The following TMOD2 variants were observed in gnomAD, a reference collection of about 807,000 sequenced individuals.
The protein encoded by TMOD2 is tropomodulin-2.
Under a neutral mutation model 39.9 loss-of-function variants are expected in TMOD2, and 22 were observed. That is an observed-to-expected ratio of 0.55 (90% CI 0.39 to 0.79). The LOEUF (loss-of-function observed/expected upper bound fraction) is 0.79, where lower values mean the gene tolerates loss of function less well. TMOD2 is among the 30% of genes least tolerant of loss of function. The pLI is 0.00. For synonymous variants in TMOD2, 123 were observed against 146.1 expected (o/e 0.84, Z 1.14); for missense variants, 386 against 413.3 (o/e 0.93, Z 0.57).
At chr15:51,793,256 TA>T (rs1347590723) in intron 7 of TMOD2, among the ~76,000 whole-genome samples, 2 of 152,226 alleles carry the variant, frequency 1.3e-5, no homozygotes, top group Non-Finnish European at 2.9e-5. Flanking sequence ...CACATCATGG[TA>T]AATTCCAAAA....
chr15:51,790,729 CAT>C (rs1248880516), intron 7 of TMOD2, among the ~76,000 whole-genome samples: 2 of 152,170 alleles, frequency 1.3e-5, no homozygotes, highest in African/African-American at 4.8e-5. Context: ...TAATCCATCA[CAT>C]AAACAAAACC....
At chr15:51,783,042 T>C in intron 7 of TMOD2, 1 of 536,554 alleles carries the variant, frequency 1.9e-6, no homozygotes, top group Admixed American at 3.3e-5. Context: ...ATTACAGTTT[T>C]CAGAGAAAGA....
At chr15:51,799,517 A>G (rs953573309) in intron 8 of TMOD2, among the ~76,000 whole-genome samples, 1 of 129,078 alleles carries the variant, frequency 7.7e-6, no homozygotes, top group Non-Finnish European at 1.8e-5. Flanking sequence ...TGCCAGGGGA[A>G]CACAGAAAGC....
chr15:51,787,492 G>T (rs988327631), intron 7 of TMOD2, among the ~76,000 whole-genome samples: 1 of 152,250 alleles, frequency 6.6e-6, no homozygotes, highest in African/African-American at 2.4e-5. Context: ...GCTCTGAAGA[G>T]AGCAGTGCTT....
intron 4 of TMOD2, among the ~76,000 whole-genome samples, chr15:51,775,590 T>C (rs2055882492): frequency 7.1e-6 from 1 of 141,612 alleles, no homozygotes; most frequent in South Asian, 2.4e-4. Context: ...TTTTTTTTTT[T>C]TTTTTGAGAC....
At chr15:51,768,609 A>G (rs12904413) in intron 3 of TMOD2, among the ~76,000 whole-genome samples, 191 bp downstream of exon 3, 61,500 of 150,906 alleles carry the variant, frequency 0.41, 12,580 homozygotes, top group Admixed American at 0.45. Flanking sequence ...GTGGAGGGTC[A>G]AGCAAGGGAA....
intron 7 of TMOD2, among the ~76,000 whole-genome samples, chr15:51,785,269 G>A (rs928853923): frequency 2.6e-5 from 4 of 151,928 alleles, no homozygotes; most frequent in Admixed American, 2.0e-4. Flanking sequence ...AAAATTAGCC[G>A]GGCGCGGTGG....
chr15:51,776,667 G>A (rs561036255), intron 4 of TMOD2, among the ~76,000 whole-genome samples: 37 of 152,232 alleles, frequency 2.4e-4, no homozygotes, highest in African/African-American at 8.9e-4. Context: ...TCGGTAAATT[G>A]TGGCCATAAT....
chr15:51,767,978 G>C (rs2055827163), intron 2 of TMOD2, among the ~76,000 whole-genome samples: 1 of 152,212 alleles, frequency 6.6e-6, no homozygotes, highest in African/African-American at 2.4e-5. Flanking sequence ...CAAGGAAAGA[G>C]GTCTTTTGCC....
chr15:51,781,948 T>C (rs2055933738), intron 6 of TMOD2, among the ~76,000 whole-genome samples: 1 of 152,206 alleles, frequency 6.6e-6, no homozygotes, highest in Non-Finnish European at 1.5e-5. Flanking sequence ...TGTCCTTTAC[T>C]AAATACTTGG....
intron 1 of TMOD2, among the ~76,000 whole-genome samples, chr15:51,761,626 C>T (rs567652361): frequency 6.6e-6 from 1 of 151,412 alleles, no homozygotes; most frequent in African/African-American, 2.4e-5. Flanking sequence ...CCCAGCTACT[C>T]GAGGGACTGA....
intron 7 of TMOD2, among the ~76,000 whole-genome samples, chr15:51,789,474 A>AC (rs1222468757): frequency 6.6e-6 from 1 of 152,212 alleles, no homozygotes; most frequent in Non-Finnish European, 1.5e-5. Context: ...TAACAAGGAT[A>AC]TCCAGGACTT....
chr15:51,781,058 GA>G lies in TMOD2; in HGVS notation c.513del (p.Val172Ter). 6.2e-7 allele frequency: 1 copy of G among 1,602,384 alleles called. No homozygotes were observed. The highest frequency in any genetic ancestry group is 1.1e-5 in the South Asian group (1 of 88,278). On this transcript the variant is annotated frameshift_variant, in exon 6 of 10. Transcript: ENST00000249700. LOFTEE classifies it high-confidence loss of function. ...TTGTGTTTTAGATGTTGTCAAAGGT[GA>G]AAAAGTAAAGCCAGTATTTGAGGAA... is the stretch of plus-strand genomic sequence containing the variant. ...KGPVRNVVKG[E>X]KVKPVFEEPP...
At chr15:51,798,672 G>A (rs2056068471) in intron 8 of TMOD2, among the ~76,000 whole-genome samples, 1 of 152,188 alleles carries the variant, frequency 6.6e-6, no homozygotes, top group Non-Finnish European at 1.5e-5. Flanking sequence ...TTGCCTTTTG[G>A]CATGTATCTC....
At chr15:51,784,456 C>A (rs958964800) in intron 7 of TMOD2, 1 of 152,174 alleles carries the variant, frequency 6.6e-6, no homozygotes, top group Admixed American at 6.5e-5. Context: ...AGATGTTTGA[C>A]AAGTACTTGT....
In TMOD2 at chr15:51,795,610, C is replaced by CTTTCT. The variant is rs1555462818; in HGVS notation, c.733-2584_733-2580dup. 9.4e-3 allele frequency among the ~76,000 whole-genome samples: 1,156 copies of CTTTCT among 122,756 alleles called. 19 individuals carry two copies. Among genetic ancestry groups the CTTTCT allele is most frequent in the African/African-American group, 0.033 (1,110 of 33,792 alleles). 80.5% of individuals were successfully genotyped at this position (122,756 alleles called of 152,430 possible). On this transcript the variant is annotated intron_variant, in intron 7 of 9. Coordinates refer to ENST00000249700, the MANE Select transcript of TMOD2 (RefSeq NM_014548.4). ...TCTTTCTTTCTTTCTTTCTTTCTTT[C>CTTTCT]TTTCTTTCTTTCTTTCTTTCTTTCT...
chr15:51,755,207 A>G (rs1022523031), intron 1 of TMOD2, among the ~76,000 whole-genome samples: 4 of 152,198 alleles, frequency 2.6e-5, no homozygotes, highest in Admixed American at 6.5e-5. Context: ...GTAAAATGAG[A>G]TGCGCTCTTC....
chr15:51,755,171 A>G (rs1433902641), intron 1 of TMOD2, among the ~76,000 whole-genome samples: 2 of 152,146 alleles, frequency 1.3e-5, no homozygotes, highest in African/African-American at 4.8e-5. Context: ...AGTCAATTCT[A>G]CGTAACTTTA....
intron 7 of TMOD2, among the ~76,000 whole-genome samples, chr15:51,790,735 C>G (rs1462156098): frequency 4.6e-5 from 7 of 152,150 alleles, no homozygotes; most frequent in Admixed American, 4.6e-4. Flanking sequence ...ATCACATAAA[C>G]AAAACCAACT....
Sources: gnomAD v4.1 joint callset for allele counts (sites outside exome capture counted in the v4.1 genomes callset) on GRCh38, gnomAD v4.1.1 for gene constraint, MANE v1.5 for transcripts, NCBI Gene and HGNC (gene_info 2026-07-23, HGNC 2026-07-21) for gene names.